Variants in CLVS1 observed in about 807,000 individuals in gnomAD.
The protein encoded by CLVS1 is clavesin-1.
CLVS1 carries 10 observed loss-of-function variants against 33.1 expected under a neutral mutation model. The observed-to-expected ratio is 0.30, with a 90% confidence interval of 0.19 to 0.51. The LOEUF (loss-of-function observed/expected upper bound fraction) is 0.51, where lower values mean the gene tolerates loss of function less well. CLVS1 is among the 20% of genes least tolerant of loss of function. CLVS1 has a pLI of 0.97. For missense variants in CLVS1, 343 were observed against 433.4 expected, an observed-to-expected ratio of 0.79 and a Z score of 1.85; for synonymous variants, 163 against 166.1, an observed-to-expected ratio of 0.98 and a Z score of 0.14.
intron 1 of CLVS1, among the ~76,000 whole-genome samples, chr8:61,062,104 G>A (rs893489855): frequency 1.3e-5 from 2 of 152,150 alleles, no homozygotes; most frequent in African/African-American, 4.8e-5. Flanking sequence ...TCACTGGACA[G>A]GGAAATGAGA....
chr8:61,395,182 A>G (rs1432417809), intron 3 of CLVS1, among the ~76,000 whole-genome samples: 1 of 152,226 alleles, frequency 6.6e-6, no homozygotes, highest in African/African-American at 2.4e-5. Flanking sequence ...GAAGGACATT[A>G]TCTAAAGGAA....
At chr8:61,215,847 T>A (rs1808073511) in intron 2 of CLVS1, among the ~76,000 whole-genome samples, 1 of 152,106 alleles carries the variant, frequency 6.6e-6, no homozygotes, top group Non-Finnish European at 1.5e-5. Context: ...CTGTTGCTAC[T>A]CAGGAAGCTG....
At chr8:61,287,001 A>C (rs1186447907), upstream of CLVS1, among the ~76,000 whole-genome samples, 1 of 152,170 alleles carries the variant, frequency 6.6e-6, no homozygotes, top group Non-Finnish European at 1.5e-5. Context: ...ATTTTTTGAC[A>C]ATTTCTATGA....
At chr8:60,999,262 C>CA in the CLVS1 span, among the ~76,000 whole-genome samples, 1 of 152,130 alleles carries the variant, frequency 6.6e-6, no homozygotes, top group Non-Finnish European at 1.5e-5. Context: ...GGAACATGGG[C>CA]AGAGAGCCAA....
intron 3 of CLVS1, among the ~76,000 whole-genome samples, chr8:61,402,107 T>C (rs1032675472): frequency 6.6e-6 from 1 of 152,160 alleles, no homozygotes; most frequent in African/African-American, 2.4e-5. Context: ...AATGTTGAGA[T>C]TTATGCCATG....
At chr8:61,399,338 T>G (rs959194367) in intron 3 of CLVS1, among the ~76,000 whole-genome samples, 1 of 152,196 alleles carries the variant, frequency 6.6e-6, no homozygotes. Flanking sequence ...TATGTCTTCT[T>G]TTGAGAAGAC....
chr8:60,970,118 C>T, the CLVS1 span, among the ~76,000 whole-genome samples: 5 of 152,214 alleles, frequency 3.3e-5, no homozygotes, highest in Admixed American at 2.6e-4. Context: ...AGCTCACATT[C>T]TGGTTCTGCT....
At chr8:61,458,249 A>G in intron 4 of CLVS1, 58 bp from the exon 5 acceptor site, 1 of 1,267,726 alleles carries the variant, frequency 7.9e-7, no homozygotes, top group Non-Finnish European at 1.1e-6. Context: ...ATTAGATGAA[A>G]TCTTTGGTCG....
At chr8:61,296,773 G>A (rs1168912628) in intron 1 of CLVS1, among the ~76,000 whole-genome samples, 3 of 152,058 alleles carry the variant, frequency 2.0e-5, no homozygotes, top group African/African-American at 4.8e-5. Flanking sequence ...CTACTTCATC[G>A]CAGGCACTGT....
intron 2 of CLVS1, among the ~76,000 whole-genome samples, chr8:61,374,291 T>C (rs1563522882): frequency 6.6e-6 from 1 of 152,228 alleles, no homozygotes; most frequent in Non-Finnish European, 1.5e-5. Flanking sequence ...CTCTCCCCTT[T>C]TATTATTTAA....
At chr8:61,264,303 T>C (rs1809263957) in intron 2 of CLVS1, among the ~76,000 whole-genome samples, 1 of 152,220 alleles carries the variant, frequency 6.6e-6, no homozygotes, top group Admixed American at 6.5e-5. Flanking sequence ...AGTTTAACGA[T>C]ATGAAATGGG....
At chr8:61,031,662 A>G in the CLVS1 span, among the ~76,000 whole-genome samples, 1 of 152,310 alleles carries the variant, frequency 6.6e-6, no homozygotes, top group East Asian at 1.9e-4. Flanking sequence ...AAATAAACAA[A>G]TTGCAAAGTT....
At chr8:61,427,869 G>T (rs1188327810) in intron 3 of CLVS1, among the ~76,000 whole-genome samples, 1 of 152,222 alleles carries the variant, frequency 6.6e-6, no homozygotes, top group African/African-American at 2.4e-5. Context: ...TGGCACCTTT[G>T]TGCCTTCCAT....
the CLVS1 span, among the ~76,000 whole-genome samples, chr8:61,050,044 A>G: frequency 6.6e-6 from 1 of 152,236 alleles, no homozygotes; most frequent in African/African-American, 2.4e-5. Context: ...CTGAATGCGC[A>G]CTGGACTTAC....
chr8:61,012,684 C>T, the CLVS1 span, among the ~76,000 whole-genome samples: 3 of 152,314 alleles, frequency 2.0e-5, no homozygotes, highest in African/African-American at 7.2e-5. Flanking sequence ...CCAGCTTCAT[C>T]CATGACCAGG....
intron 2 of CLVS1, among the ~76,000 whole-genome samples, chr8:61,255,011 G>A (rs1441863331): frequency 2.0e-5 from 3 of 152,198 alleles, no homozygotes; most frequent in Admixed American, 6.5e-5. Flanking sequence ...ACTGGGAGCT[G>A]TAGACTGGAG....
chr8:60,989,389 A>T, the CLVS1 span, among the ~76,000 whole-genome samples: 1,041 of 152,240 alleles, frequency 6.8e-3, 7 homozygotes, highest in Admixed American at 0.011. Context: ...CATGTTAGTC[A>T]GGCTGGTCTT....
intron 2 of CLVS1, among the ~76,000 whole-genome samples, chr8:61,257,350 T>C (rs1809105333): frequency 6.6e-6 from 1 of 152,220 alleles, no homozygotes; most frequent in African/African-American, 2.4e-5. Flanking sequence ...AAGCTACACA[T>C]TTAAAAATCT....
intron 2 of CLVS1, among the ~76,000 whole-genome samples, chr8:61,253,423 A>T (rs1176113519): frequency 1.3e-5 from 2 of 152,138 alleles, no homozygotes; most frequent in African/African-American, 4.8e-5. Flanking sequence ...CTCGAGGAGT[A>T]ACTTTGTGGC....
Sources: gnomAD v4.1 joint callset for allele counts (sites outside exome capture counted in the v4.1 genomes callset) on GRCh38, gnomAD v4.1.1 for gene constraint, MANE v1.5 for transcripts, NCBI Gene and HGNC (gene_info 2026-07-23, HGNC 2026-07-21) for gene names.